The following PAQR8 variants were observed in gnomAD, a reference collection of about 807,000 sequenced individuals.
The protein encoded by PAQR8 is progestin and adipoQ receptor family member 8, also known as membrane progestin receptor beta.
PAQR8 carries 17 observed loss-of-function variants against 25.2 expected under a neutral mutation model. That is an observed-to-expected ratio of 0.67 (90% CI 0.46 to 1.01). The LOEUF (loss-of-function observed/expected upper bound fraction) is 1.01. PAQR8 is among the 50% of genes least tolerant of loss of function. The probability of loss-of-function intolerance (pLI) is 0.00; values close to 1 mark genes in which losing one functional copy is unlikely to be tolerated. For missense variants in PAQR8, 392 were observed against 448.4 expected (o/e 0.87, Z 1.14); for synonymous variants, 204 against 190.6 (o/e 1.07, Z -0.58).
chr6:52,404,681 A>G lies in PAQR8; in HGVS notation c.*403A>G, dbSNP rs150433385. 4.6e-3 allele frequency: 885 copies of G among 191,652 alleles called. No homozygotes were observed. Among genetic ancestry groups the G allele is most frequent in the Non-Finnish European group, 7.4e-3 (603 of 81,474 alleles). 11.9% of individuals were successfully genotyped at this position (191,652 alleles called of 1,614,324 possible). ...TGGTCCTCACCCTGTTGGAATGGCT[A>G]TCCTACTATGCTGTTCTTTGGTAAT... On this transcript the variant is annotated 3_prime_UTR_variant, in exon 2 of 2. Coordinates refer to ENST00000442253, the MANE Select transcript of PAQR8 (RefSeq NM_133367.5).
intron 1 of PAQR8, among the ~76,000 whole-genome samples, chr6:52,383,300 A>G (rs1763585518): frequency 6.6e-6 from 1 of 152,284 alleles, no homozygotes; most frequent in African/African-American, 2.4e-5. Flanking sequence ...TAGGAATAGC[A>G]AATGGTATAG....
At position 52,379,619 on chromosome 6, in the gene PAQR8, C is replaced by CTTTTTTTTTTTTTTTTTTTTTTT. The variant is rs909812638; in HGVS notation, c.-53+17373_-53+17395dup. On this transcript the variant is annotated intron_variant, in intron 1 of 1. Transcript: ENST00000442253. ...GGTGCGTACCGCCACACCCAGCTTT[C>CTTTTTTTTTTTTTTTTTTTTTTT]TTTTTTTTTTTTTTTTTTTTTTTTT... Among the ~76,000 whole-genome samples the CTTTTTTTTTTTTTTTTTTTTTTT allele has an allele frequency of 1.9e-4, 15 of 77,230 alleles. 3 individuals carry two copies. The highest frequency in any genetic ancestry group is 3.0e-4 in the Non-Finnish European group (12 of 39,776). 50.7% of individuals were successfully genotyped at this position (77,230 alleles called of 152,430 possible).
At chr6:52,395,749 C>T (rs1308894284) in intron 1 of PAQR8, among the ~76,000 whole-genome samples, 2 of 152,150 alleles carry the variant, frequency 1.3e-5, no homozygotes, top group African/African-American at 4.8e-5. Flanking sequence ...TGTTTTGCCT[C>T]TTGAAAGTAC....
Position 52,404,456 on chromosome 6 carries a change from G to A in PAQR8, c.*178G>A. ...AAGAGTTTTGTTGTTGTTAATAAAA[G>A]GAATACTCCTTTTCCTTTTGGATCA... On this transcript the variant is annotated 3_prime_UTR_variant, in exon 2 of 2. Coordinates refer to ENST00000442253, the MANE Select transcript of PAQR8 (RefSeq NM_133367.5). 1 of 635,334 alleles carries A rather than the reference G, an allele frequency of 1.6e-6. No individual in the cohort carries two copies. The allele number at this position is 635,334 out of a possible 1,614,324, so 39.4% of individuals were successfully genotyped here.
At chr6:52,363,997 T>C (rs1031136905) in intron 1 of PAQR8, among the ~76,000 whole-genome samples, 1 of 152,102 alleles carries the variant, frequency 6.6e-6, no homozygotes, top group Non-Finnish European at 1.5e-5. Context: ...GTATGGTAAT[T>C]ATTTCAGTTA....
rs1458138637 is a variant in PAQR8 at position 52,379,627 on chromosome 6, T to TC, written c.-53+17378_-53+17379insC. Among the ~76,000 whole-genome samples, 487 of 128,872 alleles carry TC rather than the reference T, an allele frequency of 3.8e-3. 8 individuals are homozygous for TC. The highest frequency in any genetic ancestry group is 9.2e-3 in the African/African-American group (318 of 34,562). 84.5% of individuals were successfully genotyped at this position (128,872 alleles called of 152,430 possible). On this transcript the variant is annotated intron_variant, in intron 1 of 1. Coordinates refer to ENST00000442253, the MANE Select transcript of PAQR8 (RefSeq NM_133367.5). ...CCGCCACACCCAGCTTTCTTTTTTT[T>TC]TTTTTTTTTTTTTTTTTGAGATGGA...
intron 1 of PAQR8, among the ~76,000 whole-genome samples, chr6:52,396,944 G>A (rs1397240937): frequency 6.6e-6 from 1 of 152,180 alleles, no homozygotes; most frequent in South Asian, 2.1e-4. Flanking sequence ...GCGGATACAG[G>A]TGTAGCTGAA....
rs1054691674 is a variant in PAQR8 at position 52,362,782 on chromosome 6, A to G, written c.-53+533A>G. Among the ~76,000 whole-genome samples, 9 of 152,110 alleles carry G rather than the reference A, an allele frequency of 5.9e-5. No homozygotes were observed. The highest frequency in any genetic ancestry group is 1.0e-4 in the Non-Finnish European group (7 of 67,996). On this transcript the variant is annotated intron_variant, in intron 1 of 1. Coordinates refer to ENST00000442253, the MANE Select transcript of PAQR8 (RefSeq NM_133367.5). The surrounding 1 kb of genome is among the most constrained non-coding windows in gnomAD (Gnocchi z 4.1). The stretch of plus-strand genomic sequence containing the variant: ...GGAGAGGAAGCCCGGGGCGGTAGGG[A>G]GAGCCCGAGGAAGGGCAGCCCGAGG...
rs1763300459 is a variant in PAQR8, at chr6:52,362,435, G to C, written c.-53+186G>C. On this transcript the variant is annotated intron_variant, in intron 1 of 1. Coordinates refer to ENST00000442253, the MANE Select transcript of PAQR8 (RefSeq NM_133367.5). The surrounding 1 kb of genome is among the most constrained non-coding windows in gnomAD (Gnocchi z 4.1). ...GTTGGGAACCTGAGGCCAGGGGCCG[G>C]AGTTTAGGGCCCCGATGTTGAGTCT... 1 of 152,544 alleles carries C rather than the reference G, an allele frequency of 6.6e-6. No individual in the cohort carries two copies. The allele number at this position is 152,544 out of a possible 1,614,324, so 9.4% of individuals were successfully genotyped here. A position where few individuals can be genotyped will look rare whatever the true frequency, so the allele number is the denominator to read the frequency against.
intron 1 of PAQR8, among the ~76,000 whole-genome samples, chr6:52,364,464 AAAAT>A (rs1763330528): frequency 6.6e-6 from 1 of 152,348 alleles, no homozygotes; most frequent in Admixed American, 6.5e-5. Flanking sequence ...TCCAAATGTT[AAAAT>A]AAATATGCCA....
intron 1 of PAQR8, among the ~76,000 whole-genome samples, chr6:52,372,798 ACAT>A (rs1452237924): frequency 6.6e-6 from 1 of 151,624 alleles, no homozygotes; most frequent in Non-Finnish European, 1.5e-5. Context: ...CAAATCCCAG[ACAT>A]CATATTATTT....
intron 1 of PAQR8, among the ~76,000 whole-genome samples, chr6:52,392,467 C>T (rs964875454): frequency 3.3e-5 from 5 of 152,162 alleles, no homozygotes; most frequent in African/African-American, 7.2e-5. Context: ...ATTCACATAG[C>T]ATCCTTGTAA....
intron 1 of PAQR8, among the ~76,000 whole-genome samples, chr6:52,382,698 G>A (rs1037175338): frequency 9.9e-5 from 15 of 152,026 alleles, no homozygotes; most frequent in African/African-American, 3.6e-4. Flanking sequence ...ATGTTTTCAT[G>A]TGAAAACAGT....
intron 1 of PAQR8, among the ~76,000 whole-genome samples, chr6:52,401,546 T>C (rs1043936276): frequency 1.3e-5 from 2 of 152,218 alleles, no homozygotes; most frequent in African/African-American, 4.8e-5. Context: ...GAGTGCAGTT[T>C]TAATTACCCA....
At chr6:52,382,159 G>A (rs1763568907) in intron 1 of PAQR8, among the ~76,000 whole-genome samples, 1 of 152,178 alleles carries the variant, frequency 6.6e-6, no homozygotes, top group Non-Finnish European at 1.5e-5. Flanking sequence ...GGTTGTATAT[G>A]GTAGCATCAT....
intron 1 of PAQR8, among the ~76,000 whole-genome samples, chr6:52,373,954 A>G (rs912793908): frequency 9.2e-5 from 14 of 152,116 alleles, no homozygotes; most frequent in Admixed American, 3.3e-4. Flanking sequence ...GCAGTTTCTC[A>G]TGGCTTCACA....
chr6:52,386,228 A>G (rs2113943801), intron 1 of PAQR8, among the ~76,000 whole-genome samples: 1 of 152,322 alleles, frequency 6.6e-6, no homozygotes, highest in South Asian at 2.1e-4. Context: ...AGGTTAGGGA[A>G]CGTTTATACA....
intron 1 of PAQR8, among the ~76,000 whole-genome samples, chr6:52,365,853 G>A (rs905781784): frequency 2.0e-5 from 3 of 151,938 alleles, no homozygotes; most frequent in African/African-American, 7.2e-5. Flanking sequence ...TTTTTTAAAT[G>A]AGCATTCCTG....
intron 1 of PAQR8, among the ~76,000 whole-genome samples, chr6:52,383,109 A>C (rs1017719478): frequency 1.3e-5 from 2 of 152,268 alleles, no homozygotes; most frequent in African/African-American, 4.8e-5. Context: ...GAGGACAAAC[A>C]GATAGATACA....
Sources: gnomAD v4.1 joint callset for allele counts (sites outside exome capture counted in the v4.1 genomes callset) on GRCh38, gnomAD v4.1.1 for gene constraint, Gnocchi (gnomAD v3.1) non-coding constraint, MANE v1.5 for transcripts, NCBI Gene and HGNC (gene_info 2026-07-23, HGNC 2026-07-21) for gene names.